The following SLC44A5 variants were observed in gnomAD, a reference collection of about 807,000 sequenced individuals.
The protein encoded by SLC44A5 is choline transporter-like protein 5.
SLC44A5 carries 57 observed loss-of-function variants against 101.8 expected under a neutral mutation model. The ratio of observed to expected loss-of-function variants is 0.56; its 90% confidence interval spans 0.45 to 0.70. The LOEUF (loss-of-function observed/expected upper bound fraction) is 0.70. SLC44A5 is among the 30% of genes least tolerant of loss of function. The pLI is 0.00. For missense variants in SLC44A5, 737 were observed against 853.1 expected (o/e 0.86, Z 1.70); for synonymous variants, 281 against 290.9 (o/e 0.97, Z 0.35).
At position 75,339,569 on chromosome 1, in the gene SLC44A5, A is replaced by C; in HGVS notation, c.101+13T>G. On this transcript the variant is annotated intron_variant, in intron 4 of 23. Transcript: ENST00000370859. ...GTTTAAAAAAGCATATTCCCCAAAA[A>C]ATAATTGCTTACCTGTTGGCAACAG... 1 of 1,596,066 alleles carries C rather than the reference A, an allele frequency of 6.3e-7. No homozygotes were observed. Among genetic ancestry groups the C allele is most frequent in the Non-Finnish European group, 8.5e-7 (1 of 1,171,352 alleles).
intron 2 of SLC44A5, among the ~76,000 whole-genome samples, chr1:75,478,800 A>G (rs1327214325): frequency 6.6e-6 from 1 of 152,178 alleles, no homozygotes; most frequent in East Asian, 1.9e-4. Flanking sequence ...CACAATAATA[A>G]TGGAGACTTT....
chr1:75,248,383 G>A (rs941762327), intron 7 of SLC44A5, among the ~76,000 whole-genome samples: 2 of 152,108 alleles, frequency 1.3e-5, no homozygotes, highest in Admixed American at 6.6e-5. Context: ...TTATGCAAGA[G>A]GATGAGATTT....
chr1:75,706,290 CTTG>C, the SLC44A5 span, among the ~76,000 whole-genome samples: 3 of 152,016 alleles, frequency 2.0e-5, no homozygotes, highest in Non-Finnish European at 4.4e-5. Flanking sequence ...TGCATGGAAA[CTTG>C]TTATTAGAGA....
rs1646690355 is a variant in SLC44A5, at chr1:75,203,091, T to G, written c.*636A>C. The G allele has an allele frequency of 6.6e-6, 1 of 152,176 alleles. No homozygotes were observed. The highest frequency in any genetic ancestry group is 6.5e-5 in the Admixed American group (1 of 15,274). The allele number at this position is 152,176 out of a possible 1,614,324, so 9.4% of individuals were successfully genotyped here. On this transcript the variant is annotated 3_prime_UTR_variant, in exon 24 of 24. Coordinates refer to ENST00000370859, the MANE Select transcript of SLC44A5 (RefSeq NM_001130058.2). ...GTTTTAATCACGAAACATTGCAGGT[T>G]TTAATTTTTTAAAAAACAATGTTTG... is the stretch of plus-strand genomic sequence containing the variant.
At position 75,213,766 on chromosome 1, in the gene SLC44A5, T is replaced by C. The variant is rs769955071; in HGVS notation, c.1901A>G (p.Gln634Arg). 6.2e-7 allele frequency: 1 copy of C among 1,612,972 alleles called. No homozygotes were observed. ...IGVLAFLFFTQRLPVIAQGPA... is the reference protein window; with the variant it reads ...IGVLAFLFFTRRLPVIAQGPA... ...TCCTTGTGCAATCACTGGCAGTCTT[T>C]GTGTGAAGAATAGGAAGGCCAGAAC... Residue 634 changes from glutamine to arginine, a missense_variant, in exon 22 of 24, where the codon CAA becomes CGA. Gln to Arg is a conservative substitution (Grantham distance 43, BLOSUM62 1). Transcript: ENST00000370859.
intron 1 of SLC44A5, among the ~76,000 whole-genome samples, chr1:75,565,267 T>A (rs1255200667): frequency 2.0e-5 from 3 of 152,274 alleles, no homozygotes; most frequent in East Asian, 3.9e-4. Context: ...AGCATTCGCC[T>A]TATTGGAAGG....
chr1:75,337,437 T>G (rs1033845790), intron 4 of SLC44A5, among the ~76,000 whole-genome samples: 1 of 152,216 alleles, frequency 6.6e-6, no homozygotes, highest in Non-Finnish European at 1.5e-5. Flanking sequence ...ATGAGATGAA[T>G]TTCTCATGTA....
intron 2 of SLC44A5, among the ~76,000 whole-genome samples, chr1:75,507,805 C>G (rs931227693): frequency 1.3e-5 from 2 of 152,112 alleles, no homozygotes; most frequent in Non-Finnish European, 2.9e-5. Flanking sequence ...AAGAATTTAA[C>G]CATTTTCTGT....
At chr1:75,585,511 T>G (rs1028987097) in intron 1 of SLC44A5, among the ~76,000 whole-genome samples, 1 of 152,178 alleles carries the variant, frequency 6.6e-6, no homozygotes, top group Non-Finnish European at 1.5e-5. Context: ...CCAAACAGTT[T>G]CTGATTCAGT....
chr1:75,416,742 G>A (rs562952002), intron 2 of SLC44A5, among the ~76,000 whole-genome samples: 123 of 152,366 alleles, frequency 8.1e-4, no homozygotes, highest in Non-Finnish European at 1.6e-3. Context: ...GCATGACCTG[G>A]ATGTGAGACA....
rs111258951 is a variant in SLC44A5, at chr1:75,238,632, G to A, written c.537C>T (p.Leu179=). The change falls in exon 10 of 24, where the codon CTC becomes CTT. Residue 179 remains leucine (L), a synonymous_variant. Coordinates refer to ENST00000370859, the MANE Select transcript of SLC44A5 (RefSeq NM_001130058.2). ...PTAIFPSKPF[L]QRCFPDFSTK... ...TAGAGAAGTCAGGGAAACATCTCTG[G>A]AGAACTGTAAAAATAAATTAAAATT... 1 of 1,551,290 alleles carries A rather than the reference G, an allele frequency of 6.4e-7. No individual in the cohort carries two copies. Among genetic ancestry groups the A allele is most frequent in the Non-Finnish European group, 8.7e-7 (1 of 1,143,146 alleles).
intron 6 of SLC44A5, among the ~76,000 whole-genome samples, chr1:75,259,626 A>C (rs12073475): frequency 1.3e-5 from 2 of 152,188 alleles, no homozygotes; most frequent in Non-Finnish European, 2.9e-5. Flanking sequence ...AGCCAGGAGA[A>C]CTTCCCCAGT....
At chr1:75,374,809 T>C (rs867751971) in intron 3 of SLC44A5, among the ~76,000 whole-genome samples, 17 of 152,268 alleles carry the variant, frequency 1.1e-4, no homozygotes, top group Admixed American at 3.9e-4. Context: ...GCCAGTACTA[T>C]ACACAACATA....
intron 3 of SLC44A5, among the ~76,000 whole-genome samples, chr1:75,365,800 C>T (rs1206603899): frequency 6.6e-6 from 1 of 152,146 alleles, no homozygotes; most frequent in East Asian, 1.9e-4. Flanking sequence ...TATTTATCTG[C>T]TAGAGGTTTT....
intron 2 of SLC44A5, among the ~76,000 whole-genome samples, chr1:75,517,624 TGACTGCATGCAACAG>T (rs953892871): frequency 6.6e-6 from 1 of 152,134 alleles, no homozygotes; most frequent in Non-Finnish European, 1.5e-5. Context: ...CAATAAGATC[TGACTGCATGCAACAG>T]GAAGGATTTC....
At chr1:75,523,088 C>A (rs1482226820) in intron 2 of SLC44A5, among the ~76,000 whole-genome samples, 1 of 152,130 alleles carries the variant, frequency 6.6e-6, no homozygotes, top group African/African-American at 2.4e-5. Context: ...AACCATACCC[C>A]ATTTACAAAT....
At chr1:75,655,938 T>C in the SLC44A5 span, among the ~76,000 whole-genome samples, 2 of 152,012 alleles carry the variant, frequency 1.3e-5, no homozygotes, top group African/African-American at 4.8e-5. Context: ...TCAAACCAAA[T>C]AAGACTACCC....
intron 6 of SLC44A5, among the ~76,000 whole-genome samples, chr1:75,265,395 A>G (rs1650901711): frequency 6.6e-6 from 1 of 152,148 alleles, no homozygotes; most frequent in Non-Finnish European, 1.5e-5. Context: ...AGCATATGCA[A>G]CTGGGGCAGG....
the SLC44A5 span, among the ~76,000 whole-genome samples, chr1:75,706,195 G>T: frequency 1.2e-4 from 19 of 152,020 alleles, no homozygotes; most frequent in Non-Finnish European, 2.2e-4. Flanking sequence ...CTAATATGTG[G>T]TTTTTTATTA....
Sources: allele counts gnomAD v4.1 joint callset (sites outside exome capture counted in the v4.1 genomes callset), GRCh38; gene constraint gnomAD v4.1.1; transcripts MANE v1.5; gene names NCBI Gene and HGNC (gene_info 2026-07-23, HGNC 2026-07-21).